The following MTSS1 variants were observed in gnomAD, a reference collection of about 807,000 sequenced individuals.
MTSS1 encodes the protein protein MTSS 1.
A neutral mutation model predicts 79.0 loss-of-function variants in MTSS1; 18 were observed. The observed-to-expected ratio is 0.23, with a 90% CI of 0.16 to 0.34. The LOEUF (loss-of-function observed/expected upper bound fraction) is 0.34, where lower values mean the gene tolerates loss of function less well. Ranked by LOEUF, MTSS1 falls within the 10% of genes least tolerant of loss-of-function variation. The pLI, the probability that MTSS1 is intolerant of heterozygous loss-of-function variation, is 1.00. For synonymous variants in MTSS1, 341 were observed against 368.6 expected (o/e 0.93, Z 0.86); for missense variants, 815 against 986.2 (o/e 0.83, Z 2.33).
intron 3 of MTSS1, among the ~76,000 whole-genome samples, chr8:124,614,678 G>A (rs1176256239): frequency 2.0e-5 from 3 of 152,222 alleles, no homozygotes; most frequent in Admixed American, 6.5e-5. Flanking sequence ...CGCATCAGAT[G>A]CTACTGAACC....
intron 3 of MTSS1, among the ~76,000 whole-genome samples, chr8:124,625,086 G>A (rs62530673): frequency 0.038 from 5,847 of 152,246 alleles, 165 homozygotes; most frequent in East Asian, 0.11. Context: ...TTCTGGGCAG[G>A]ATTCTGGGCT....
Position 124,644,524 on chromosome 8 carries a change from C to T in MTSS1, c.209-53289G>A, listed in dbSNP as rs148863659. On this transcript the variant is annotated intron_variant, in intron 3 of 13. Transcript: ENST00000518547. ...TTACCACAATTTAATTTTAGCATCA[C>T]GTAAACATAATTAATCTTTTCACCA... Among the ~76,000 whole-genome samples, 419 of 152,326 alleles carry T rather than the reference C, an allele frequency of 2.8e-3. 9 individuals carry two copies. Among genetic ancestry groups the T allele is most frequent in the Non-Finnish European group, 1.1e-3 (74 of 68,038 alleles).
Position 124,604,100 on chromosome 8 carries a change from C to G in MTSS1, c.209-12865G>C, listed in dbSNP as rs372319269. On this transcript the variant is annotated intron_variant, in intron 3 of 13. Coordinates refer to ENST00000518547, the MANE Select transcript of MTSS1 (RefSeq NM_014751.6). ...TGGAGGCAGGCGCCTGTAATCCCAG[C>G]TACTCAGGAAGCTGAGGCAGGAAAA... Among the ~76,000 whole-genome samples the G allele has an allele frequency of 1.6e-4, 24 of 152,254 alleles. No individual in the cohort carries two copies. In the East Asian group the frequency reaches 4.4e-3, roughly 28 times the overall value.
At chr8:124,646,368 G>C (rs1208239457) in intron 3 of MTSS1, among the ~76,000 whole-genome samples, 1 of 151,994 alleles carries the variant, frequency 6.6e-6, no homozygotes, top group Non-Finnish European at 1.5e-5. Flanking sequence ...AATGACCATA[G>C]AGTCATTTAT....
chr8:124,680,815 T>C lies in MTSS1; in HGVS notation c.208+18711A>G, dbSNP rs78432127. ...CCTCTTAGGCAAAACAGGTAAGGCT[T>C]TGAGGAGCTGTCACATCTACCCAGC... is the stretch of plus-strand genomic sequence containing the variant. On this transcript the variant is annotated intron_variant, in intron 3 of 13. Transcript: ENST00000518547. Among the ~76,000 whole-genome samples, 19 of 152,282 alleles carry C rather than the reference T, an allele frequency of 1.2e-4. No individual in the cohort carries two copies. The East Asian group carries it at 3.5e-3, about 28-fold the overall frequency.
At chr8:124,555,126 G>C (rs754618681) in intron 13 of MTSS1, among the ~76,000 whole-genome samples, 1 of 152,350 alleles carries the variant, frequency 6.6e-6, no homozygotes, top group East Asian at 1.9e-4. Context: ...GATTACAGGC[G>C]TAAGCCACTG....
intron 3 of MTSS1, among the ~76,000 whole-genome samples, chr8:124,621,461 T>C (rs1813490996): frequency 6.6e-6 from 1 of 152,164 alleles, no homozygotes; most frequent in Admixed American, 6.5e-5. Context: ...AGAAGGGGTG[T>C]CTGCCAGGGG....
At chr8:124,596,862 C>A (rs35314147) in intron 3 of MTSS1, among the ~76,000 whole-genome samples, 2 of 152,030 alleles carry the variant, frequency 1.3e-5, no homozygotes, top group Non-Finnish European at 2.9e-5. Context: ...CCATAAGACA[C>A]GTGTGAAGGC....
intron 3 of MTSS1, among the ~76,000 whole-genome samples, chr8:124,608,798 A>G (rs1362716240): frequency 6.6e-6 from 1 of 152,138 alleles, no homozygotes; most frequent in African/African-American, 2.4e-5. Flanking sequence ...TGGAAAATGG[A>G]TTGGCTAGAT....
chr8:124,565,855 T>C (rs1586843940), intron 8 of MTSS1, 96 bp from the exon 9 acceptor site: 3 of 1,033,014 alleles, frequency 2.9e-6, no homozygotes, highest in East Asian at 5.1e-5. Flanking sequence ...AACGCTGCCA[T>C]CGTGGGGGTG....
intron 3 of MTSS1, among the ~76,000 whole-genome samples, chr8:124,656,648 A>T (rs1442203468): frequency 6.6e-6 from 1 of 151,650 alleles, no homozygotes; most frequent in Non-Finnish European, 1.5e-5. Context: ...TGTGGTGGTG[A>T]ATGCCTGCAG....
chr8:124,556,797 T>C (rs1823918014), intron 11 of MTSS1, among the ~76,000 whole-genome samples: 1 of 152,208 alleles, frequency 6.6e-6, no homozygotes, highest in Admixed American at 6.5e-5. Flanking sequence ...GTTAGGGGAA[T>C]GGCCACCAGC....
chr8:124,557,752 G>A lies in MTSS1; in HGVS notation c.1159C>T (p.Leu387Phe), dbSNP rs1294830013. The A allele has an allele frequency of 1.9e-6, 3 of 1,604,096 alleles. No homozygotes were observed. Among genetic ancestry groups the A allele is most frequent in the Non-Finnish European group, 2.6e-6 (3 of 1,175,376 alleles). The change falls in exon 11 of 14, where the codon CTT (leucine) becomes TTT (phenylalanine). Residue 387 changes from leucine (L) to phenylalanine (F), a missense_variant. By Grantham distance (22) the Leu-to-Phe change is conservative. Transcript: ENST00000518547. ...RLLPRVTSVH[L>F]PDYAHYYTIG... The stretch of plus-strand genomic sequence containing the variant: ...GTGTAATAATGAGCGTAGTCTGGAA[G>A]GTGGACAGAGGTGACCCGAGGGAGC...
intron 3 of MTSS1, among the ~76,000 whole-genome samples, chr8:124,595,270 G>A (rs975109264): frequency 1.3e-5 from 2 of 152,206 alleles, no homozygotes; most frequent in African/African-American, 4.8e-5. Flanking sequence ...CTTTGCTGCT[G>A]TAATAAATGA....
chr8:124,555,944 G>A (rs199980301), intron 12 of MTSS1, 40 bp from the exon 13 acceptor site: 35 of 1,522,832 alleles, frequency 2.3e-5, no homozygotes, highest in East Asian at 7.0e-5. Context: ...TTGCTTTAGG[G>A]GGGGGGCTCA....
chr8:124,594,375 A>C (rs1207433720), intron 3 of MTSS1, among the ~76,000 whole-genome samples: 1 of 152,124 alleles, frequency 6.6e-6, no homozygotes, highest in Admixed American at 6.5e-5. Flanking sequence ...TACTAAAAAT[A>C]CAAAAATCAG....
At chr8:124,580,040 T>A (rs918867020) in intron 6 of MTSS1, 1 of 152,488 alleles carries the variant, frequency 6.6e-6, no homozygotes, top group Non-Finnish European at 1.5e-5. Flanking sequence ...ATACTTTTGA[T>A]TTATTTTTTA....
At chr8:124,581,387 T>G (rs780346196) in intron 6 of MTSS1, among the ~76,000 whole-genome samples, 10 of 151,986 alleles carry the variant, frequency 6.6e-5, no homozygotes, top group South Asian at 6.2e-4. Flanking sequence ...ATGCTGGCCA[T>G]TATTATTTTT....
At chr8:124,626,746 G>A (rs555376388) in intron 3 of MTSS1, among the ~76,000 whole-genome samples, 20 of 152,134 alleles carry the variant, frequency 1.3e-4, no homozygotes, top group African/African-American at 9.6e-5. Context: ...TCAGCAGGCC[G>A]CTACAAGTTC....
Sources: gnomAD v4.1 joint callset for allele counts (sites outside exome capture counted in the v4.1 genomes callset) on GRCh38, gnomAD v4.1.1 for gene constraint, MANE v1.5 for transcripts, NCBI Gene and HGNC (gene_info 2026-07-23, HGNC 2026-07-21) for gene names.